RNFT2: variants seen among roughly 807,000 people sequenced by gnomAD.
The protein encoded by RNFT2 is ring finger protein, transmembrane 2, also known as E3 ubiquitin-protein ligase RNFT2.
A neutral mutation model predicts 53.0 loss-of-function variants in RNFT2; 36 were observed. That is an observed-to-expected ratio of 0.68 (90% CI 0.52 to 0.90). RNFT2 has a LOEUF of 0.90. Among genes scored for constraint, RNFT2 ranks in the 40% least tolerant of loss-of-function variants. The pLI, the probability that RNFT2 is intolerant of heterozygous loss-of-function variation, is 0.00. For synonymous variants in RNFT2, 260 were observed against 253.2 expected, an observed-to-expected ratio of 1.03 and a Z score of -0.26; for missense variants, 514 against 585.6, an observed-to-expected ratio of 0.88 and a Z score of 1.26.
intron 7 of RNFT2, among the ~76,000 whole-genome samples, chr12:116,808,959 C>T (rs1362567133): frequency 2.0e-5 from 3 of 152,198 alleles, no homozygotes; most frequent in Non-Finnish European, 2.9e-5. Context: ...GGCCTGGCTC[C>T]GCCCCAGCTG....
In RNFT2 at chr12:116,830,853, G is replaced by A. The variant is rs138771298; in HGVS notation, c.883-2939G>A. On this transcript the variant is annotated intron_variant, in intron 7 of 10. Coordinates refer to ENST00000257575, the MANE Select transcript of RNFT2 (RefSeq NM_001382266.1). ...CAAGAGGCAGAGGTTGCAGCGAGCT[G>A]AGATTGTGCCACTGCACTCCACCCT... 2.1e-3 allele frequency among the ~76,000 whole-genome samples: 318 copies of A among 151,536 alleles called. 2 individuals carry two copies. Among genetic ancestry groups the A allele is most frequent in the African/African-American group, 7.4e-3 (304 of 41,304 alleles).
intron 3 of RNFT2, among the ~76,000 whole-genome samples, chr12:116,744,819 T>A (rs1871819129): frequency 6.6e-6 from 1 of 152,152 alleles, no homozygotes; most frequent in African/African-American, 2.4e-5. Flanking sequence ...CTGGTTGTAC[T>A]GGAGGCCCCT....
chr12:116,750,861 A>C (rs1326676756), intron 4 of RNFT2, among the ~76,000 whole-genome samples: 1 of 9,404 alleles, frequency 1.1e-4, no homozygotes, highest in Admixed American at 2.0e-3. Context: ...AATATATATT[A>C]TATATATATA....
chr12:116,767,045 G>A (rs902309944), intron 6 of RNFT2, 131 bp downstream of exon 6: 3 of 620,628 alleles, frequency 4.8e-6, no homozygotes, highest in Non-Finnish European at 8.7e-6. Context: ...CCACCCTGCT[G>A]TTACTACTTA....
At chr12:116,800,812 T>TAAAATAAAATAAAA (rs142455219) in intron 7 of RNFT2, among the ~76,000 whole-genome samples, 1 of 114,790 alleles carries the variant, frequency 8.7e-6, no homozygotes, top group Admixed American at 9.7e-5. Context: ...AGACTCCATC[T>TAAAATAAAATAAAA]TAAAATAAAA....
intron 10 of RNFT2, among the ~76,000 whole-genome samples, chr12:116,847,591 G>A (rs964441878): frequency 2.0e-5 from 3 of 150,704 alleles, no homozygotes; most frequent in Non-Finnish European, 2.9e-5. Flanking sequence ...ACAATGGCAC[G>A]ATCTCAGCTC....
At chr12:116,831,251 C>T (rs1200952830) in intron 7 of RNFT2, among the ~76,000 whole-genome samples, 1 of 151,622 alleles carries the variant, frequency 6.6e-6, no homozygotes, top group Non-Finnish European at 1.5e-5. Flanking sequence ...GGATATGTCT[C>T]TTGTTTTCTC....
intron 7 of RNFT2, among the ~76,000 whole-genome samples, chr12:116,785,293 G>GT (rs1555261563): frequency 1.4e-5 from 2 of 146,258 alleles, no homozygotes; most frequent in African/African-American, 5.2e-5. Flanking sequence ...GGGGTTGTTT[G>GT]TTTGTTTTGT....
intron 10 of RNFT2, among the ~76,000 whole-genome samples, chr12:116,848,178 G>A (rs996831466): frequency 1.3e-5 from 2 of 152,046 alleles, no homozygotes; most frequent in African/African-American, 4.8e-5. Flanking sequence ...ACATGATCTC[G>A]TTCCTTTTTA....
intron 7 of RNFT2, among the ~76,000 whole-genome samples, chr12:116,819,581 C>A (rs1328996294): frequency 6.6e-6 from 1 of 152,130 alleles, no homozygotes; most frequent in Non-Finnish European, 1.5e-5. Flanking sequence ...CCAGCCCGCG[C>A]CGCCAGGAGG....
chr12:116,852,012 C>T lies in RNFT2; in HGVS notation c.*2564C>T, dbSNP rs1877953250. 8 of 1,369,938 alleles carry T rather than the reference C, an allele frequency of 5.8e-6. No homozygotes were observed. Among genetic ancestry groups the T allele is most frequent in the Non-Finnish European group, 7.8e-6 (8 of 1,031,072 alleles). 84.9% of individuals were successfully genotyped at this position (1,369,938 alleles called of 1,614,324 possible). On this transcript the variant is annotated 3_prime_UTR_variant, in exon 11 of 11. Transcript: ENST00000257575. Reference sequence around the variant, plus strand: ...CCAACCAGGGTAGTGGCATGGAGCACCGTAACCATCTGTGCTTCTGTGATC... The same window carrying T: ...CCAACCAGGGTAGTGGCATGGAGCATCGTAACCATCTGTGCTTCTGTGATC...
intron 5 of RNFT2, among the ~76,000 whole-genome samples, chr12:116,764,279 G>A (rs144505609): frequency 0.018 from 2,790 of 152,198 alleles, 40 homozygotes; most frequent in Middle Eastern, 0.037. Context: ...ATGGGTGCAC[G>A]AAAATCTCAC....
At chr12:116,796,077 T>G (rs1874492434) in intron 7 of RNFT2, among the ~76,000 whole-genome samples, 1 of 151,710 alleles carries the variant, frequency 6.6e-6, no homozygotes, top group Non-Finnish European at 1.5e-5. Flanking sequence ...CCCAGCTAAC[T>G]TTTGTATTTT....
intron 4 of RNFT2, 57 bp downstream of exon 4, chr12:116,750,364 A>C (rs1592937034): frequency 6.6e-7 from 1 of 1,507,830 alleles, no homozygotes; most frequent in Non-Finnish European, 8.9e-7. Context: ...GGCTGCCTGC[A>C]GCCGGTGGGG....
At chr12:116,786,562 C>T (rs1290785850) in intron 7 of RNFT2, among the ~76,000 whole-genome samples, 1 of 152,176 alleles carries the variant, frequency 6.6e-6, no homozygotes. Flanking sequence ...CATCACCTGG[C>T]GCCTTCTGGG....
chr12:116,827,079 G>A (rs1391481166), intron 7 of RNFT2, among the ~76,000 whole-genome samples: 3 of 151,892 alleles, frequency 2.0e-5, no homozygotes, highest in Non-Finnish European at 4.4e-5. Context: ...AATTAGCTGG[G>A]TCTGGCAGCA....
At chr12:116,832,148 A>AAAAATATATATATATAT (rs1555209702) in intron 7 of RNFT2, among the ~76,000 whole-genome samples, 6 of 55,168 alleles carry the variant, frequency 1.1e-4, no homozygotes, top group African/African-American at 3.5e-4. Flanking sequence ...AAAAAAAAAA[A>AAAAATATATATATATAT]ATATATATAT....
intron 4 of RNFT2, among the ~76,000 whole-genome samples, chr12:116,751,497 G>C (rs528467946): frequency 9.3e-5 from 14 of 151,138 alleles, no homozygotes; most frequent in Non-Finnish European, 1.3e-4. Context: ...TCCACCTCCC[G>C]GGTTCAAGCA....
intron 5 of RNFT2, chr12:116,755,889 A>G (rs1566071465): frequency 8.5e-6 from 12 of 1,410,354 alleles, no homozygotes; most frequent in Non-Finnish European, 1.2e-5. Context: ...GCGAATTACT[A>G]GAAGATGGCA....
Sources: gnomAD v4.1 joint callset for allele counts (sites outside exome capture counted in the v4.1 genomes callset) on GRCh38, gnomAD v4.1.1 for gene constraint, MANE v1.5 for transcripts, NCBI Gene and HGNC (gene_info 2026-07-23, HGNC 2026-07-21) for gene names.